Variants in RPA3 observed in about 807,000 individuals in gnomAD.
The protein encoded by RPA3 is replication protein A3.
Under a neutral mutation model 13.7 loss-of-function variants are expected in RPA3, and 24 were observed. That is an observed-to-expected ratio of 1.75 (90% CI 1.27 to 2.46). RPA3 has a LOEUF of 2.46. RPA3 is among the 30% of genes most tolerant of loss of function. RPA3 has a pLI of 0.00. For synonymous variants in RPA3, 59 were observed against 51.2 expected (o/e 1.15, Z -0.65); for missense variants, 183 against 151.0 (o/e 1.21, Z -1.11).
chr7:7,700,759 G>T (rs1780440683), intron 2 of RPA3, among the ~76,000 whole-genome samples: 1 of 152,032 alleles, frequency 6.6e-6, no homozygotes, highest in South Asian at 2.1e-4. Flanking sequence ...ATGGTGGTGG[G>T]TGCCTGTAAT....
At chr7:7,658,892 G>C (rs1396979491) in intron 4 of RPA3, among the ~76,000 whole-genome samples, 1 of 152,082 alleles carries the variant, frequency 6.6e-6, no homozygotes, top group Admixed American at 6.5e-5. Context: ...ACCAGCTCCT[G>C]TTTGTACCTC....
chr7:7,703,853 G>A (rs2115158530), intron 2 of RPA3, among the ~76,000 whole-genome samples: 1 of 152,174 alleles, frequency 6.6e-6, no homozygotes, highest in Middle Eastern at 3.4e-3. Context: ...GAGGTAGGAG[G>A]ATTGCTTGAG....
At chr7:7,660,912 A>T (rs188080503) in intron 4 of RPA3, among the ~76,000 whole-genome samples, 1 of 152,018 alleles carries the variant, frequency 6.6e-6, no homozygotes, top group African/African-American at 2.4e-5. Flanking sequence ...ACTTGGTTCT[A>T]TTCTCCCTGT....
chr7:7,645,971 T>TCGGCTGC (rs1313124615), intron 4 of RPA3, among the ~76,000 whole-genome samples: 1 of 152,168 alleles, frequency 6.6e-6, no homozygotes. Context: ...GCTCGTTTGC[T>TCGGCTGC]CGGCTGCCGT....
chr7:7,678,722 AATATATATTTATATATTTAGTTTATAAAT>A (rs1779826977), intron 4 of RPA3, among the ~76,000 whole-genome samples: 18 of 110,218 alleles, frequency 1.6e-4, no homozygotes, highest in African/African-American at 6.0e-4. Flanking sequence ...TTAGTTTATA[AATATATATTTATATATTTAGTTTATAAAT>A]ATATATTTAT....
intron 2 of RPA3, among the ~76,000 whole-genome samples, chr7:7,702,157 A>G (rs942101863): frequency 5.9e-5 from 9 of 152,226 alleles, no homozygotes; most frequent in African/African-American, 2.2e-4. Flanking sequence ...GGAGGATTTT[A>G]TATGATAGTC....
intron 4 of RPA3, among the ~76,000 whole-genome samples, chr7:7,655,937 G>A (rs1785330587): frequency 6.6e-6 from 1 of 152,144 alleles, no homozygotes; most frequent in African/African-American, 2.4e-5. Flanking sequence ...CTGGGTTCCA[G>A]CGATTCTCCT....
At chr7:7,682,600 C>T (rs1331262026) in intron 4 of RPA3, among the ~76,000 whole-genome samples, 2 of 152,122 alleles carry the variant, frequency 1.3e-5, no homozygotes, top group Admixed American at 6.6e-5. Flanking sequence ...AAAACAGTGA[C>T]AAAAACTAAA....
rs1287641640 is a variant in RPA3 at position 7,639,095 on chromosome 7, T to A, written c.149A>T (p.Asn50Ile). 46 of 1,612,184 alleles carry A rather than the reference T, an allele frequency of 2.9e-5. No individual in the cohort carries two copies. Among genetic ancestry groups the A allele is most frequent in the Non-Finnish European group, 3.7e-5 (44 of 1,179,134 alleles). The change falls in exon 6 of 8, where the codon AAT becomes ATT. Residue 50 changes from asparagine (N) to isoleucine (I), a missense_variant. Physicochemically the swap from Asn to Ile is moderately radical, Grantham distance 149. Transcript: ENST00000223129. ...MFILSDGEGK[N>I]GTIELMEPLD... ...GGGTTCCATCAACTCGATGGTTCCA[T>A]TTTTTCCTTCTCCATCTGAAAGAAT...
chr7:7,645,964 C>G (rs907607856), intron 4 of RPA3, among the ~76,000 whole-genome samples: 1 of 152,050 alleles, frequency 6.6e-6, no homozygotes, highest in East Asian at 1.9e-4. Context: ...GGGTGTGGCT[C>G]GTTTGCTCGG....
chr7:7,672,720 G>A (rs1319477154), intron 4 of RPA3, among the ~76,000 whole-genome samples: 2 of 152,156 alleles, frequency 1.3e-5, no homozygotes, highest in Non-Finnish European at 2.9e-5. Flanking sequence ...GGCCTCCCCA[G>A]CCATGTGAAA....
At chr7:7,657,422 C>T (rs1785369829) in intron 4 of RPA3, among the ~76,000 whole-genome samples, 1 of 152,176 alleles carries the variant, frequency 6.6e-6, no homozygotes, top group South Asian at 2.1e-4. Flanking sequence ...CCTAGGTTTT[C>T]TTCTAGGGTT....
At chr7:7,637,775 A>G (rs1784889715) in intron 7 of RPA3, 89 bp downstream of exon 7, 1 of 551,440 alleles carries the variant, frequency 1.8e-6, no homozygotes. Flanking sequence ...GTTATATAAA[A>G]CTGTATGTTA....
At chr7:7,643,320 C>G (rs952641402) in intron 4 of RPA3, among the ~76,000 whole-genome samples, 3 of 152,190 alleles carry the variant, frequency 2.0e-5, no homozygotes, top group Admixed American at 2.0e-4. Context: ...GTGCATGTAA[C>G]TCCCTAAAAA....
chr7:7,708,162 A>G (rs1348716052), intron 2 of RPA3, among the ~76,000 whole-genome samples: 1 of 152,178 alleles, frequency 6.6e-6, no homozygotes, highest in Non-Finnish European at 1.5e-5. Flanking sequence ...ATTATCATCT[A>G]AATAGCAATT....
chr7:7,714,801 T>TG (rs1209719380), intron 2 of RPA3, among the ~76,000 whole-genome samples: 1 of 151,914 alleles, frequency 6.6e-6, no homozygotes. Flanking sequence ...GTTGGGCACT[T>TG]GTGTAGAGTA....
intron 2 of RPA3, among the ~76,000 whole-genome samples, chr7:7,709,162 A>G (rs1780685447): frequency 6.6e-6 from 1 of 152,180 alleles, no homozygotes; most frequent in South Asian, 2.1e-4. Context: ...TAATTTTATT[A>G]GTTGTTTGAA....
At chr7:7,684,487 G>T (rs1165435454) in intron 4 of RPA3, among the ~76,000 whole-genome samples, 1 of 152,080 alleles carries the variant, frequency 6.6e-6, no homozygotes, top group African/African-American at 2.4e-5. Context: ...GGGATTACTG[G>T]CCTGAGCCAC....
In RPA3 at chr7:7,709,224, T is replaced by C. The variant is rs553750931; in HGVS notation, c.-1028+5951A>G. Among the ~76,000 whole-genome samples, 9 of 152,336 alleles carry C rather than the reference T, an allele frequency of 5.9e-5. 1 individual carries two copies. Among genetic ancestry groups the C allele is most frequent in the African/African-American group, 2.2e-4 (9 of 41,582 alleles). ...TGTGCTGAGATTTATCTCAATTATA[T>C]GTGTGAATAATGTTATGCATGGGGT... On this transcript the variant is annotated intron_variant, in intron 2 of 7. Coordinates refer to ENST00000223129, the MANE Select transcript of RPA3 (RefSeq NM_002947.5).
Sources: allele counts gnomAD v4.1 joint callset (sites outside exome capture counted in the v4.1 genomes callset), GRCh38; gene constraint gnomAD v4.1.1; transcripts MANE v1.5; gene names NCBI Gene and HGNC (gene_info 2026-07-23, HGNC 2026-07-21).